The following SND1 variants were observed in gnomAD, a reference collection of about 807,000 sequenced individuals.
SND1 encodes the protein staphylococcal nuclease domain-containing protein 1.
In SND1, 38 loss-of-function variants were observed where a neutral mutation model predicts 121.7. The ratio of observed to expected loss-of-function variants is 0.31; its 90% CI spans 0.24 to 0.41. SND1 has a LOEUF of 0.41. Among genes scored for constraint, SND1 ranks in the 10% least tolerant of loss-of-function variants. The pLI is 1.00. For missense variants in SND1, 868 were observed against 1,184.6 expected, an observed-to-expected ratio of 0.73 and a Z score of 3.92; for synonymous variants, 401 against 447.4, an observed-to-expected ratio of 0.90 and a Z score of 1.31.
intron 10 of SND1, among the ~76,000 whole-genome samples, chr7:127,746,382 C>T (rs1005656486): frequency 1.2e-4 from 18 of 152,230 alleles, no homozygotes; most frequent in African/African-American, 4.3e-4. Flanking sequence ...CCAGCATTTT[C>T]AACCCTAGCT....
chr7:127,812,354 T>A (rs994139736), intron 11 of SND1, among the ~76,000 whole-genome samples: 6 of 152,202 alleles, frequency 3.9e-5, no homozygotes, highest in African/African-American at 1.4e-4. Context: ...AGACAGTATC[T>A]CATTAGTCTT....
chr7:127,698,277 G>A (rs1796042870), intron 3 of SND1, among the ~76,000 whole-genome samples: 1 of 152,156 alleles, frequency 6.6e-6, no homozygotes, highest in Non-Finnish European at 1.5e-5. Context: ...TGGACTTTCT[G>A]GCATAACGTG....
chr7:128,066,594 C>T (rs1015663856), intron 16 of SND1, among the ~76,000 whole-genome samples: 7 of 152,254 alleles, frequency 4.6e-5, no homozygotes, highest in Non-Finnish European at 1.0e-4. Flanking sequence ...GGCACAGCCT[C>T]TCGCCTTCCA....
intron 9 of SND1, among the ~76,000 whole-genome samples, chr7:127,716,819 T>G (rs1796399500): frequency 6.6e-6 from 1 of 152,238 alleles, no homozygotes; most frequent in East Asian, 1.9e-4. Flanking sequence ...TATATTCCTA[T>G]GTGATAATAT....
At chr7:127,656,673 G>A (rs372533400) in intron 1 of SND1, among the ~76,000 whole-genome samples, 8 of 152,290 alleles carry the variant, frequency 5.3e-5, no homozygotes, top group East Asian at 1.9e-4. Context: ...TGACCTGCTC[G>A]TTCTTACGTG....
intron 15 of SND1, among the ~76,000 whole-genome samples, chr7:127,967,032 G>A (rs1320997274): frequency 6.6e-6 from 1 of 152,144 alleles, no homozygotes; most frequent in African/African-American, 2.4e-5. Context: ...ATTGCAGGAT[G>A]TTTACCCCTT....
At chr7:127,698,832 C>G in intron 3 of SND1, 43 bp from the exon 4 acceptor site, 1 of 1,538,482 alleles carries the variant, frequency 6.5e-7, no homozygotes, top group Non-Finnish European at 9.0e-7. Flanking sequence ...CTGTTGGAGG[C>G]AGGTTTGAAT....
chr7:127,732,344 G>A (rs1027759486), intron 10 of SND1, among the ~76,000 whole-genome samples: 16 of 152,202 alleles, frequency 1.1e-4, no homozygotes, highest in African/African-American at 3.9e-4. Context: ...GAGGGAATTT[G>A]TAAACTTGGG....
intron 10 of SND1, among the ~76,000 whole-genome samples, chr7:127,785,709 TCA>T (rs1008259637): frequency 2.0e-5 from 3 of 152,230 alleles, no homozygotes; most frequent in Non-Finnish European, 4.4e-5. Context: ...CATTGTATAC[TCA>T]GTAGATATGA....
At chr7:127,943,829 C>T (rs574640723) in intron 15 of SND1, among the ~76,000 whole-genome samples, 70 of 152,252 alleles carry the variant, frequency 4.6e-4, no homozygotes, top group Middle Eastern at 3.4e-3. Context: ...GCAGTTTTGA[C>T]GAACAACTCA....
intron 12 of SND1, among the ~76,000 whole-genome samples, chr7:127,876,957 A>G (rs978264848): frequency 2.6e-5 from 4 of 152,092 alleles, no homozygotes; most frequent in Middle Eastern, 3.2e-3. Flanking sequence ...GGAAAATATT[A>G]GATATTTGAA....
At chr7:127,977,552 C>G (rs974492822) in intron 15 of SND1, among the ~76,000 whole-genome samples, 1 of 152,018 alleles carries the variant, frequency 6.6e-6, no homozygotes, top group Non-Finnish European at 1.5e-5. Flanking sequence ...GAAGATTAAT[C>G]TGGTAGCTGA....
chr7:127,663,259 C>T (rs1795351134), intron 1 of SND1, among the ~76,000 whole-genome samples: 1 of 152,008 alleles, frequency 6.6e-6, no homozygotes, highest in African/African-American at 2.4e-5. Context: ...TAGATAGTTG[C>T]TATATTTTAT....
At chr7:127,906,193 T>C (rs1800333564) in intron 14 of SND1, among the ~76,000 whole-genome samples, 1 of 152,138 alleles carries the variant, frequency 6.6e-6, no homozygotes, top group Admixed American at 6.5e-5. Flanking sequence ...CTCTGTTAAG[T>C]GGGTGAAGTA....
chr7:127,876,697 G>T (rs1241000981), intron 12 of SND1, among the ~76,000 whole-genome samples: 1 of 152,158 alleles, frequency 6.6e-6, no homozygotes, highest in Admixed American at 6.5e-5. Flanking sequence ...TGGATTGGAA[G>T]TTCATGTAGT....
chr7:127,976,188 ACTC>A (rs1233251251), intron 15 of SND1, among the ~76,000 whole-genome samples: 2 of 151,164 alleles, frequency 1.3e-5, no homozygotes, highest in African/African-American at 2.4e-5. Flanking sequence ...CAGGAAGTTT[ACTC>A]CTCCTCTCCG....
chr7:127,878,294 A>C (rs1799727642), intron 12 of SND1, among the ~76,000 whole-genome samples: 1 of 152,194 alleles, frequency 6.6e-6, no homozygotes, highest in Non-Finnish European at 1.5e-5. Context: ...CATACTCTGA[A>C]TGCTCCTTAA....
rs1285380365 is a variant in SND1 at position 128,083,189 on chromosome 7, A to T, written c.2111-1535A>T. On this transcript the variant is annotated intron_variant, in intron 18 of 23. Coordinates refer to ENST00000354725, the MANE Select transcript of SND1 (RefSeq NM_014390.4). ...TCTTCAAGAGGGATCTGACGAAAACATTGCCATTAGCTGCAAATGACCAGT... is the reference window on the plus strand; with the variant it reads ...TCTTCAAGAGGGATCTGACGAAAACTTTGCCATTAGCTGCAAATGACCAGT... Among the ~76,000 whole-genome samples the T allele has an allele frequency of 5.3e-5, 8 of 152,170 alleles. No individual in the cohort carries two copies. The East Asian group carries it at 9.6e-4, about 18-fold the overall frequency.
intron 16 of SND1, among the ~76,000 whole-genome samples, chr7:128,024,068 G>C (rs924356273): frequency 2.2e-4 from 33 of 149,542 alleles, no homozygotes; most frequent in Admixed American, 6.7e-4. Flanking sequence ...ATATTGCTGT[G>C]TGTGTGTGTG....
Sources: gnomAD v4.1 joint callset for allele counts (sites outside exome capture counted in the v4.1 genomes callset) on GRCh38, gnomAD v4.1.1 for gene constraint, MANE v1.5 for transcripts, NCBI Gene and HGNC (gene_info 2026-07-23, HGNC 2026-07-21) for gene names.